Variants in GFRA1 observed in about 807,000 individuals in gnomAD.
GFRA1 encodes GDNF family receptor alpha-1.
In GFRA1, 16 loss-of-function variants were observed where a neutral mutation model predicts 51.6. That is an observed-to-expected ratio of 0.31 (90% confidence interval 0.21 to 0.47). The LOEUF (loss-of-function observed/expected upper bound fraction) is 0.47, where lower values mean the gene tolerates loss of function less well. Ranked by LOEUF, GFRA1 falls within the 20% of genes least tolerant of loss-of-function variation. GFRA1 has a pLI of 1.00. For synonymous variants in GFRA1, 270 were observed against 241.3 expected (o/e 1.12, Z -1.10); for missense variants, 530 against 594.3 (o/e 0.89, Z 1.13).
intron 5 of GFRA1, 23 bp downstream of exon 5, chr10:116,211,608 C>T: frequency 1.9e-6 from 3 of 1,547,582 alleles, no homozygotes; most frequent in Non-Finnish European, 2.6e-6. Context: ...AGTGAAAAAG[C>T]AGGCAGGAAA....
rs555756758 is a variant in GFRA1 at position 116,163,567 on chromosome 10, A to C, written c.434-38010T>G. On this transcript the variant is annotated intron_variant, in intron 5 of 10. Coordinates refer to ENST00000355422, the MANE Select transcript of GFRA1 (RefSeq NM_005264.8). ...TAAATACAATTTGCTCATTGGAAGC[A>C]TGCCTTCGCCTTTCCCACAAGGCCA... Among the ~76,000 whole-genome samples, 160 of 152,316 alleles carry C rather than the reference A, an allele frequency of 1.1e-3. 1 individual carries two copies. The South Asian group carries it at 0.017, about 16-fold the overall frequency.
chr10:116,218,770 C>T (rs1247226091), intron 4 of GFRA1, among the ~76,000 whole-genome samples: 3 of 152,210 alleles, frequency 2.0e-5, no homozygotes, highest in Admixed American at 2.0e-4. Context: ...CATCTCCAGC[C>T]TTCTAAGCCA....
chr10:116,162,318 C>T (rs1589835026), intron 5 of GFRA1, among the ~76,000 whole-genome samples: 1 of 152,324 alleles, frequency 6.6e-6, no homozygotes, highest in Non-Finnish European at 1.5e-5. Flanking sequence ...AAAGGACCCA[C>T]GAGAGCATTA....
intron 4 of GFRA1, among the ~76,000 whole-genome samples, chr10:116,263,895 T>C (rs1456291534): frequency 2.0e-5 from 3 of 152,058 alleles, no homozygotes; most frequent in Non-Finnish European, 4.4e-5. Context: ...TTGAAGACAA[T>C]GGAAGGGACG....
intron 4 of GFRA1, among the ~76,000 whole-genome samples, chr10:116,233,576 C>A (rs974005471): frequency 6.6e-6 from 1 of 152,090 alleles, no homozygotes; most frequent in South Asian, 2.1e-4. Context: ...GCCCCCTCCC[C>A]AACACTCTCC....
intron 9 of GFRA1, among the ~76,000 whole-genome samples, chr10:116,080,375 C>G (rs536895458): frequency 6.6e-6 from 1 of 152,276 alleles, no homozygotes; most frequent in East Asian, 1.9e-4. Context: ...AGAAGTTTCA[C>G]AGTGCTACAA....
intron 6 of GFRA1, among the ~76,000 whole-genome samples, chr10:116,103,176 C>T (rs2694786): frequency 0.17 from 26,081 of 152,060 alleles, 2,278 homozygotes; most frequent in East Asian, 0.22. Flanking sequence ...TGGTGCCATA[C>T]CAGTTGCTAT....
chr10:116,114,688 C>T (rs1565585545), intron 6 of GFRA1, among the ~76,000 whole-genome samples: 1 of 152,016 alleles, frequency 6.6e-6, no homozygotes, highest in Non-Finnish European at 1.5e-5. Context: ...CACATACCAC[C>T]ACACCAGCTC....
At chr10:116,261,745 A>G (rs1015068078) in intron 4 of GFRA1, among the ~76,000 whole-genome samples, 5 of 152,238 alleles carry the variant, frequency 3.3e-5, no homozygotes, top group African/African-American at 1.2e-4. Context: ...TGTAAGATTC[A>G]ATATACGGGC....
At chr10:116,106,790 G>T (rs139618067) in intron 6 of GFRA1, among the ~76,000 whole-genome samples, 1 of 152,188 alleles carries the variant, frequency 6.6e-6, no homozygotes, top group African/African-American at 2.4e-5. Flanking sequence ...AACTCCCAGT[G>T]TTGGAGGTGG....
At chr10:116,271,401 G>A (rs538822073) in intron 2 of GFRA1, among the ~76,000 whole-genome samples, 3 of 152,088 alleles carry the variant, frequency 2.0e-5, no homozygotes, top group Non-Finnish European at 4.4e-5. Flanking sequence ...GCGCACGTCG[G>A]CCCTCCGCCC....
intron 5 of GFRA1, among the ~76,000 whole-genome samples, chr10:116,160,317 A>C (rs1959621232): frequency 6.6e-6 from 1 of 152,278 alleles, no homozygotes; most frequent in African/African-American, 2.4e-5. Context: ...ATTATACTCC[A>C]AAACTCTTAT....
At chr10:116,241,793 T>C (rs1047454045) in intron 4 of GFRA1, among the ~76,000 whole-genome samples, 1 of 152,294 alleles carries the variant, frequency 6.6e-6, no homozygotes, top group Non-Finnish European at 1.5e-5. Flanking sequence ...GCTAGAAATA[T>C]CACTAAATGC....
intron 4 of GFRA1, among the ~76,000 whole-genome samples, chr10:116,238,937 T>C (rs1159933194): frequency 1.3e-5 from 2 of 152,216 alleles, no homozygotes; most frequent in Non-Finnish European, 1.5e-5. Flanking sequence ...GCTTGTATGT[T>C]TATTTTTCAG....
intron 9 of GFRA1, among the ~76,000 whole-genome samples, chr10:116,085,762 C>G (rs979207055): frequency 1.3e-5 from 2 of 152,180 alleles, no homozygotes; most frequent in African/African-American, 4.8e-5. Context: ...AATCAGCAAG[C>G]TGCAAAAATA....
At chr10:116,075,043 T>C (rs1955556045) in intron 9 of GFRA1, among the ~76,000 whole-genome samples, 1 of 152,178 alleles carries the variant, frequency 6.6e-6, no homozygotes, top group Admixed American at 6.5e-5. Flanking sequence ...TACCCAGCAA[T>C]TGGGTTAAGC....
chr10:116,102,209 C>T (rs563176356), intron 6 of GFRA1, among the ~76,000 whole-genome samples: 1 of 152,318 alleles, frequency 6.6e-6, no homozygotes, highest in South Asian at 2.1e-4. Flanking sequence ...AGTGTGGGGG[C>T]TGACTTTAAT....
chr10:116,177,606 G>A (rs1181931814), intron 5 of GFRA1, among the ~76,000 whole-genome samples: 1 of 152,178 alleles, frequency 6.6e-6, no homozygotes, highest in Non-Finnish European at 1.5e-5. Context: ...ATGGGGAAAG[G>A]AGGCACAAAT....
At chr10:116,173,613 A>G (rs1961264341) in intron 5 of GFRA1, among the ~76,000 whole-genome samples, 1 of 152,242 alleles carries the variant, frequency 6.6e-6, no homozygotes, top group South Asian at 2.1e-4. Context: ...AGATAGGACT[A>G]TAACTCCCAA....
Sources: gnomAD v4.1 joint callset for allele counts (sites outside exome capture counted in the v4.1 genomes callset) on GRCh38, gnomAD v4.1.1 for gene constraint, MANE v1.5 for transcripts, NCBI Gene and HGNC (gene_info 2026-07-23, HGNC 2026-07-21) for gene names.